The following DICER1 variants were observed in gnomAD, a reference collection of about 807,000 sequenced individuals.
The protein encoded by DICER1 is endoribonuclease Dicer.
Under a neutral mutation model 194.1 loss-of-function variants are expected in DICER1, and 43 were observed. The ratio of observed to expected loss-of-function variants is 0.22; its 90% CI spans 0.17 to 0.29. DICER1 has a LOEUF of 0.29. Among genes scored for constraint, DICER1 ranks in the 10% least tolerant of loss-of-function variants. The probability of loss-of-function intolerance (pLI) is 1.00; values close to 1 mark genes in which losing one functional copy is unlikely to be tolerated. For synonymous variants in DICER1, 832 were observed against 820.5 expected, an observed-to-expected ratio of 1.01 and a Z score of -0.24; for missense variants, 1,608 against 2,317.0, an observed-to-expected ratio of 0.69 and a Z score of 6.28.
At chr14:95,147,918 G>C (rs1034322154) in intron 1 of DICER1, among the ~76,000 whole-genome samples, 2 of 152,228 alleles carry the variant, frequency 1.3e-5, no homozygotes, top group African/African-American at 4.8e-5. Context: ...GATATTACAG[G>C]CTGGGTGCAG....
Position 95,088,152 on chromosome 14 carries a change from T to C in DICER1, c.*2346A>G, listed in dbSNP as rs1229061892. On this transcript the variant is annotated 3_prime_UTR_variant, in exon 27 of 27. Coordinates refer to ENST00000343455, the MANE Select transcript of DICER1 (RefSeq NM_177438.3). ...CAACAAAAAGTGAAACGGCTGAAGT[T>C]TGCTGTTGATAAAACATTTGAATGG... is the stretch of plus-strand genomic sequence containing the variant. The C allele has an allele frequency of 8.6e-6, 2 of 232,994 alleles. No homozygotes were observed. The highest frequency in any genetic ancestry group is 6.1e-5 in the East Asian group (1 of 16,426). 14.4% of individuals were successfully genotyped at this position (232,994 alleles called of 1,614,324 possible).
chr14:95,088,118 A>AT lies in DICER1; in HGVS notation c.*2379dup, dbSNP rs140355178. On this transcript the variant is annotated 3_prime_UTR_variant, in exon 27 of 27. Coordinates refer to ENST00000343455, the MANE Select transcript of DICER1 (RefSeq NM_177438.3). ...ACTGTGAGTCAAATTAAAATCTACT[A>AT]TTTTTCTCCAACAAAAAGTGAAACG... 0.024 allele frequency: 5,660 copies of AT among 232,838 alleles called. 348 individuals are homozygous for AT. Among genetic ancestry groups the AT allele is most frequent in the African/African-American group, 0.12 (5,314 of 45,324 alleles). The allele number at this position is 232,838 out of a possible 1,614,324, so 14.4% of individuals were successfully genotyped here.
At chr14:95,153,517 A>G (rs888113287) in intron 1 of DICER1, among the ~76,000 whole-genome samples, 7 of 152,230 alleles carry the variant, frequency 4.6e-5, no homozygotes, top group African/African-American at 1.7e-4. Context: ...TTCTCCATAT[A>G]TTGCTAATGT....
intron 23 of DICER1, 88 bp downstream of exon 23, chr14:95,095,737 G>A (rs1305137105): frequency 2.9e-6 from 4 of 1,361,586 alleles, no homozygotes; most frequent in Middle Eastern, 1.8e-4. Context: ...CACTGTACAT[G>A]CATAGATCAC....
intron 17 of DICER1, among the ~76,000 whole-genome samples, 184 bp downstream of exon 17, chr14:95,107,423 TG>T (rs1163564801): frequency 1.3e-5 from 2 of 152,064 alleles, no homozygotes; most frequent in East Asian, 3.9e-4. Flanking sequence ...GCTAATTTTT[TG>T]TATTTTTAGT....
intron 1 of DICER1, among the ~76,000 whole-genome samples, chr14:95,149,153 G>A (rs1895342679): frequency 6.6e-6 from 1 of 152,086 alleles, no homozygotes; most frequent in Non-Finnish European, 1.5e-5. Flanking sequence ...CCAAGAAAGA[G>A]CATCCATTGG....
In DICER1 at chr14:95,105,856, C is replaced by T; in HGVS notation, c.2988-73G>A. On this transcript the variant is annotated intron_variant, in intron 18 of 26. Coordinates refer to ENST00000343455, the MANE Select transcript of DICER1 (RefSeq NM_177438.3). The surrounding 1 kb of genome is among the most constrained non-coding windows in gnomAD (Gnocchi z 4.9). ...ATATTCACAGTGGTTCTCCAAAAAC[C>T]ACCTGAAGAGCTCATTTCAACTACA... is the stretch of plus-strand genomic sequence containing the variant. 2 of 1,453,510 alleles carry T rather than the reference C, an allele frequency of 1.4e-6. No homozygotes were observed. The highest frequency in any genetic ancestry group is 2.3e-5 in the South Asian group (2 of 87,258). The allele number at this position is 1,453,510 out of a possible 1,614,324, so 90.0% of individuals were successfully genotyped here. A position where few individuals can be genotyped will look rare whatever the true frequency, so the allele number is the denominator to read the frequency against.
intron 1 of DICER1, among the ~76,000 whole-genome samples, chr14:95,154,031 G>T (rs1404610949): frequency 6.6e-6 from 1 of 152,140 alleles, no homozygotes; most frequent in Admixed American, 6.5e-5. Context: ...ACAGCAAAAG[G>T]TAAACAAAAT....
intron 1 of DICER1, among the ~76,000 whole-genome samples, chr14:95,144,991 C>T (rs1382356949): frequency 6.6e-6 from 1 of 152,168 alleles, no homozygotes; most frequent in East Asian, 1.9e-4. Context: ...CTCCATACAC[C>T]GTCTAATCAC....
intron 22 of DICER1, among the ~76,000 whole-genome samples, chr14:95,097,656 C>T (rs201847951): frequency 2.0e-5 from 3 of 152,128 alleles, no homozygotes; most frequent in Non-Finnish European, 2.9e-5. Context: ...AGGGGGAAGA[C>T]GAAGGGTGTG....
At chr14:95,141,761 A>G (rs1163654263) in intron 1 of DICER1, 1 of 152,242 alleles carries the variant, frequency 6.6e-6, no homozygotes, top group East Asian at 1.9e-4. Context: ...AAAAGCAATC[A>G]GAGAGAAATT....
At chr14:95,109,247 T>C (rs1891737729) in intron 14 of DICER1, among the ~76,000 whole-genome samples, 1 of 152,202 alleles carries the variant, frequency 6.6e-6, no homozygotes, top group Non-Finnish European at 1.5e-5. Context: ...ATCCTTCAGA[T>C]TATGGTCTTG....
At position 95,090,171 on chromosome 14, in the gene DICER1, C is replaced by CA. The variant is rs35649919; in HGVS notation, c.*326dup. 0.01 allele frequency: 3,554 copies of CA among 349,636 alleles called. No homozygotes were observed. The highest frequency in any genetic ancestry group is 0.02 in the Middle Eastern group (24 of 1,180). 21.7% of individuals were successfully genotyped at this position (349,636 alleles called of 1,614,324 possible). On this transcript the variant is annotated 3_prime_UTR_variant, in exon 27 of 27. Coordinates refer to ENST00000343455, the MANE Select transcript of DICER1 (RefSeq NM_177438.3). ...ACACTAAGCAAAGCTGACATAAACT[C>CA]AAAAAAAAAAAAACAAAACCTGTCA...
At chr14:95,141,901 G>A (rs1306074706) in intron 1 of DICER1, among the ~76,000 whole-genome samples, 1 of 151,986 alleles carries the variant, frequency 6.6e-6, no homozygotes, top group Non-Finnish European at 1.5e-5. Context: ...TTTAAAATTG[G>A]GATATTATGT....
intron 1 of DICER1, among the ~76,000 whole-genome samples, chr14:95,154,032 TAA>T (rs1018223187): frequency 2.0e-5 from 3 of 152,140 alleles, no homozygotes; most frequent in Non-Finnish European, 4.4e-5. Flanking sequence ...CAGCAAAAGG[TAA>T]ACAAAATAAG....
At position 95,086,435 on chromosome 14, in the gene DICER1, T is replaced by C. The variant is rs1418260640; in HGVS notation, c.*4063A>G. The C allele has an allele frequency of 4.3e-6, 1 of 233,270 alleles. No homozygotes were observed. Among genetic ancestry groups the C allele is most frequent in the Non-Finnish European group, 8.5e-6 (1 of 117,898 alleles). 14.5% of individuals were successfully genotyped at this position (233,270 alleles called of 1,614,324 possible). A position where few individuals can be genotyped will look rare whatever the true frequency, so the allele number is the denominator to read the frequency against. ...TCAATCAAATAATATGCATTAGTTT[T>C]ACTTGATTTTAGTAATTTTCCTTCA... On this transcript the variant is annotated 3_prime_UTR_variant, in exon 27 of 27. Coordinates refer to ENST00000343455, the MANE Select transcript of DICER1 (RefSeq NM_177438.3).
At chr14:95,118,865 C>T (rs1892714246) in intron 8 of DICER1, among the ~76,000 whole-genome samples, 1 of 151,826 alleles carries the variant, frequency 6.6e-6, no homozygotes, top group Non-Finnish European at 1.5e-5. Context: ...TCTAGAATCT[C>T]TCTTGATCCC....
chr14:95,138,538 G>A (rs1894585850), intron 1 of DICER1, among the ~76,000 whole-genome samples: 1 of 151,986 alleles, frequency 6.6e-6, no homozygotes. Flanking sequence ...CTACTGGAAT[G>A]GAATTCATTA....
rs766891778 is a variant in DICER1 at position 95,106,268 on chromosome 14, A to AATCAAC, written c.2805-51_2805-46dup. ...AAACAATCAGTTGCTTTTTGATTTA[A>AATCAAC]ATCAACTATTCTCAAAATACAACTG... On this transcript the variant is annotated intron_variant, in intron 17 of 26. Coordinates refer to ENST00000343455, the MANE Select transcript of DICER1 (RefSeq NM_177438.3). 9.6e-5 allele frequency: 137 copies of AATCAAC among 1,420,536 alleles called. No homozygotes were observed. In the Admixed American group the frequency reaches 2.2e-3, roughly 23 times the overall value. 88.0% of individuals were successfully genotyped at this position (1,420,536 alleles called of 1,614,324 possible).
Sources: allele counts gnomAD v4.1 joint callset (sites outside exome capture counted in the v4.1 genomes callset), GRCh38; gene constraint gnomAD v4.1.1; non-coding constraint Gnocchi (gnomAD v3.1); transcripts MANE v1.5; gene names NCBI Gene and HGNC (gene_info 2026-07-23, HGNC 2026-07-21).